The following PRSS54 variants were observed in gnomAD, a reference collection of about 807,000 sequenced individuals.
PRSS54 encodes serine protease 54.
A neutral mutation model predicts 19.9 loss-of-function variants in PRSS54; 16 were observed. The ratio of observed to expected loss-of-function variants is 0.80; its 90% CI spans 0.54 to 1.22. The LOEUF (loss-of-function observed/expected upper bound fraction) is 1.22, where lower values mean the gene tolerates loss of function less well. Among genes scored for constraint, PRSS54 ranks in the 50% most tolerant of loss-of-function variants. The pLI is 0.00. For synonymous variants in PRSS54, 177 were observed against 195.8 expected (o/e 0.90, Z 0.80); for missense variants, 444 against 494.8 (o/e 0.90, Z 0.97).
rs978052529 is a variant in PRSS54 at position 58,289,545 on chromosome 16, T to A, written c.263+1414A>T. 2.6e-5 allele frequency among the ~76,000 whole-genome samples: 4 copies of A among 151,184 alleles called. No individual in the cohort carries two copies. In the South Asian group the frequency reaches 8.4e-4, roughly 32 times the overall value. ...AGGAGCTGCTTTTAACTGTACGTCC[T>A]TTGGTTTCTCGTGAACATTTTACTA... On this transcript the variant is annotated intron_variant, in intron 4 of 6. Transcript: ENST00000567164.
At chr16:58,280,964 C>T in intron 6 of PRSS54, 1 of 558,178 alleles carries the variant, frequency 1.8e-6, no homozygotes, top group Non-Finnish European at 3.2e-6. Context: ...TGCAAATTAG[C>T]TGTGGACTTC....
chr16:58,284,817 ATTTTT>A, intron 5 of PRSS54, 96 bp from the exon 6 acceptor site: 2 of 1,103,234 alleles, frequency 1.8e-6, no homozygotes, highest in Admixed American at 2.5e-5. Context: ...GAGAGTGAGA[ATTTTT>A]TTTTTTTTTT....
intron 1 of PRSS54, among the ~76,000 whole-genome samples, chr16:58,294,536 A>G (rs1965105382): frequency 6.6e-6 from 1 of 151,816 alleles, no homozygotes; most frequent in South Asian, 2.1e-4. Flanking sequence ...TTATTTTGTA[A>G]TATTTTGTAA....
chr16:58,280,556 A>G lies in PRSS54; in HGVS notation c.856T>C (p.Ser286Pro). 4.3e-6 allele frequency: 7 copies of G among 1,614,170 alleles called. No individual in the cohort carries two copies. The highest frequency in any genetic ancestry group is 5.9e-6 in the Non-Finnish European group (7 of 1,180,032). Residue 286 changes from serine to proline, a missense_variant, in exon 7 of 7, where the codon TCT becomes CCT. Coordinates refer to ENST00000567164, the MANE Select transcript of PRSS54 (RefSeq NM_001305173.2). ...SSLHHWEKLISFSHHGPNATM... is the reference protein window; with the variant it reads ...SSLHHWEKLIPFSHHGPNATM... ...GCATTTGGTCCATGGTGGGAGAAAGAAATCAACTTTTCCCAGTGGTGGAGT... is the reference window on the plus strand; with the variant it reads ...GCATTTGGTCCATGGTGGGAGAAAGGAATCAACTTTTCCCAGTGGTGGAGT...
chr16:58,288,218 G>A (rs957124359), intron 4 of PRSS54, among the ~76,000 whole-genome samples: 29 of 152,322 alleles, frequency 1.9e-4, no homozygotes, highest in African/African-American at 7.0e-4. Context: ...CTGAGACCAG[G>A]AGTTTGAGAC....
chr16:58,290,740 A>T (rs534585403), intron 4 of PRSS54, among the ~76,000 whole-genome samples: 1 of 152,322 alleles, frequency 6.6e-6, no homozygotes, highest in East Asian at 1.9e-4. Flanking sequence ...AGGACTCATC[A>T]TTGCATTTTT....
At chr16:58,291,356 C>T (rs1038411030) in intron 3 of PRSS54, among the ~76,000 whole-genome samples, 2 of 152,228 alleles carry the variant, frequency 1.3e-5, no homozygotes, top group East Asian at 1.9e-4. Flanking sequence ...GAACACATAA[C>T]GGTACACATT....
At chr16:58,288,834 C>A (rs1462688562) in intron 4 of PRSS54, among the ~76,000 whole-genome samples, 1 of 151,986 alleles carries the variant, frequency 6.6e-6, no homozygotes, top group Non-Finnish European at 1.5e-5. Flanking sequence ...CCTTTATGTA[C>A]CAATAAGAAA....
intron 4 of PRSS54, among the ~76,000 whole-genome samples, chr16:58,288,086 T>C (rs1212378733): frequency 1.3e-5 from 2 of 152,200 alleles, no homozygotes; most frequent in Non-Finnish European, 2.9e-5. Flanking sequence ...TATAATTCAA[T>C]AATGTTAGAA....
At position 58,284,617 on chromosome 16, in the gene PRSS54, C is replaced by G. The variant is rs149233872; in HGVS notation, c.627G>C (p.Thr209=). The G allele has an allele frequency of 1.2e-5, 20 of 1,614,032 alleles. No homozygotes were observed. The African/African-American group carries it at 2.7e-4, about 22-fold the overall frequency. The change falls in exon 6 of 7, where the codon ACG becomes ACC. Residue 209 remains threonine (T), a synonymous_variant. Coordinates refer to ENST00000567164, the MANE Select transcript of PRSS54 (RefSeq NM_001305173.2). The part of the protein sequence containing the change: ...KLQKTECGSH[T]KEETKTACLG... ...AGCAGGCAGTCTTGGTTTCCTCTTT[C>G]GTGTGGCTGCCGCATTCTGTCTTCT...
In PRSS54 at chr16:58,291,125, G is replaced by A; in HGVS notation, c.97C>T (p.Gln33Ter). ...GGACCGTAGAAAACGGAAGCTTTCT[G>A]GACGCCACAACCTGCGGAGCAGGTG... ...LLYSSTSCGV[Q>*]KASVFYGPDP... The change falls in exon 4 of 7, where the codon CAG becomes TAG. Residue 33 changes from glutamine to a stop codon, truncating the protein, a stop_gained. Transcript: ENST00000567164. LOFTEE classifies it high-confidence loss of function. 6.2e-7 allele frequency: 1 copy of A among 1,613,930 alleles called. No individual in the cohort carries two copies. The highest frequency in any genetic ancestry group is 1.1e-5 in the South Asian group (1 of 91,090).
chr16:58,291,990 G>A (rs978910506), intron 3 of PRSS54, among the ~76,000 whole-genome samples: 2 of 151,990 alleles, frequency 1.3e-5, no homozygotes, highest in African/African-American at 4.8e-5. Context: ...GTGCAATGGT[G>A]CAATCTCGGC....
At chr16:58,285,689 G>A (rs749529918) in intron 5 of PRSS54, among the ~76,000 whole-genome samples, 24 of 144,428 alleles carry the variant, frequency 1.7e-4, no homozygotes, top group African/African-American at 3.4e-4. Flanking sequence ...GCAGTGAGCC[G>A]TGATGGCACC....
Position 58,290,942 on chromosome 16 carries a change from A to G in PRSS54, c.263+17T>C, listed in dbSNP as rs1184893387. The G allele has an allele frequency of 8.7e-6, 14 of 1,612,404 alleles. No individual in the cohort carries two copies. Among genetic ancestry groups the G allele is most frequent in the East Asian group, 2.2e-5 (1 of 44,862 alleles). On this transcript the variant is annotated intron_variant, in intron 4 of 6. Transcript: ENST00000567164. ...ACCCCCGGCGATGTTGCGGGCCCCA[A>G]AGGCAGGGGCACTGGCCTGTTCTGA...
chr16:58,293,720 C>A lies in PRSS54; in HGVS notation c.85+12G>T, dbSNP rs983737214. The A allele has an allele frequency of 6.2e-7, 1 of 1,609,480 alleles. No individual in the cohort carries two copies. The highest frequency in any genetic ancestry group is 1.1e-5 in the South Asian group (1 of 89,816). On this transcript the variant is annotated intron_variant, in intron 3 of 6. Transcript: ENST00000567164. ...GCAGCTAAAGTCAGAGGGAGGAAAGCAGCACACTCACTGGTGGAAGAATAG... is the reference window on the plus strand; with the variant it reads ...GCAGCTAAAGTCAGAGGGAGGAAAGAAGCACACTCACTGGTGGAAGAATAG...
chr16:58,280,204 T>G lies in PRSS54; in HGVS notation c.*20A>C, dbSNP rs759303491. On this transcript the variant is annotated 3_prime_UTR_variant, in exon 7 of 7. Transcript: ENST00000567164. Reference sequence around the variant, plus strand: ...CAGCATTCTCAGTTTACTCTTCAGTTTGGTGGGGTAGCTCCTGGACTAGAT... The same window carrying G: ...CAGCATTCTCAGTTTACTCTTCAGTGTGGTGGGGTAGCTCCTGGACTAGAT... 29 of 1,586,824 alleles carry G rather than the reference T, an allele frequency of 1.8e-5. No individual in the cohort carries two copies. Among genetic ancestry groups the G allele is most frequent in the Non-Finnish European group, 2.5e-5 (29 of 1,166,524 alleles).
At chr16:58,292,885 G>T (rs546480554) in intron 3 of PRSS54, among the ~76,000 whole-genome samples, 68 of 152,328 alleles carry the variant, frequency 4.5e-4, no homozygotes, top group African/African-American at 1.5e-3. Context: ...ACCCAGAGAT[G>T]AAATGCTTGT....
At chr16:58,290,222 C>T (rs1229324933) in intron 4 of PRSS54, among the ~76,000 whole-genome samples, 1 of 150,700 alleles carries the variant, frequency 6.6e-6, no homozygotes, top group African/African-American at 2.4e-5. Context: ...TAATTTCATC[C>T]CGATAGTGGG....
chr16:58,284,659 A>G lies in PRSS54; in HGVS notation c.585T>C (p.Cys195=), dbSNP rs1596900243. The change falls in exon 6 of 7, where the codon TGT becomes TGC. Residue 195 remains cysteine, a synonymous_variant. Transcript: ENST00000567164. The part of the protein sequence containing the change: ...RKIFVKDLDM[C]PLYKLQKTEC... Reference sequence around the variant, plus strand: ...CTGTCTTCTGGAGTTTGTATAGGGGACACATGTCAAGATCTTTCACGAAGA... The same window carrying G: ...CTGTCTTCTGGAGTTTGTATAGGGGGCACATGTCAAGATCTTTCACGAAGA... 6.2e-7 allele frequency: 1 copy of G among 1,613,926 alleles called. No homozygotes were observed. The highest frequency in any genetic ancestry group is 8.5e-7 in the Non-Finnish European group (1 of 1,179,938).
Sources: allele counts gnomAD v4.1 joint callset (sites outside exome capture counted in the v4.1 genomes callset), GRCh38; gene constraint gnomAD v4.1.1; transcripts MANE v1.5; gene names NCBI Gene and HGNC (gene_info 2026-07-23, HGNC 2026-07-21).